Variants in OXR1 observed in about 807,000 individuals in gnomAD.
OXR1 encodes the protein oxidation resistance 1, also known as oxidation resistance protein 1.
OXR1 carries 41 observed loss-of-function variants against 104.6 expected under a neutral mutation model. The ratio of observed to expected loss-of-function variants is 0.39; its 90% confidence interval spans 0.31 to 0.51. The LOEUF (loss-of-function observed/expected upper bound fraction) is 0.51, where lower values mean the gene tolerates loss of function less well. Ranked by LOEUF, OXR1 falls within the 20% of genes least tolerant of loss-of-function variation. OXR1 has a pLI of 0.77. For synonymous variants in OXR1, 348 were observed against 348.4 expected (o/e 1.00, Z 0.01); for missense variants, 955 against 1,031.9 (o/e 0.93, Z 1.02).
At chr8:106,687,050 A>C (rs763434389) in intron 6 of OXR1, among the ~76,000 whole-genome samples, 4 of 152,176 alleles carry the variant, frequency 2.6e-5, no homozygotes, top group Non-Finnish European at 5.9e-5. Context: ...TTGTCCCTCC[A>C]GACTTACTCT....
chr8:106,470,395 A>G (rs769111347), intron 2 of OXR1, among the ~76,000 whole-genome samples: 2 of 150,864 alleles, frequency 1.3e-5, no homozygotes, highest in Non-Finnish European at 2.9e-5. Context: ...GTGAGTGTGA[A>G]TAAAAGAAGG....
chr8:106,747,405 T>C (rs1179004664), intron 16 of OXR1, among the ~76,000 whole-genome samples: 2 of 152,202 alleles, frequency 1.3e-5, no homozygotes, highest in African/African-American at 4.8e-5. Context: ...TTTTCTTTCA[T>C]CCAACATGAT....
At chr8:106,381,577 G>C (rs1027129189) in intron 2 of OXR1, among the ~76,000 whole-genome samples, 5 of 152,142 alleles carry the variant, frequency 3.3e-5, no homozygotes, top group Admixed American at 1.3e-4. Flanking sequence ...CCTGAACCTT[G>C]CTCAGATGTG....
chr8:106,289,738 T>A (rs1344013927), intron 1 of OXR1, among the ~76,000 whole-genome samples: 3 of 152,124 alleles, frequency 2.0e-5, no homozygotes, highest in African/African-American at 7.2e-5. Flanking sequence ...CACACTGATA[T>A]GGGTTGGCTA....
intron 2 of OXR1, among the ~76,000 whole-genome samples, chr8:106,503,244 C>T (rs960744291): frequency 1.3e-5 from 2 of 151,922 alleles, no homozygotes; most frequent in African/African-American, 2.4e-5. Flanking sequence ...CAATAATGAC[C>T]GTAAGAAATG....
intron 3 of OXR1, among the ~76,000 whole-genome samples, chr8:106,671,111 A>G (rs1826927120): frequency 6.6e-6 from 1 of 150,780 alleles, no homozygotes; most frequent in South Asian, 2.1e-4. Flanking sequence ...ATTCAGATTC[A>G]AGCATCCCTA....
chr8:106,347,666 G>C (rs1815556065), intron 1 of OXR1, among the ~76,000 whole-genome samples: 1 of 152,048 alleles, frequency 6.6e-6, no homozygotes, highest in Non-Finnish European at 1.5e-5. Flanking sequence ...TAAATAAGTA[G>C]TTATTGGGTT....
intron 2 of OXR1, among the ~76,000 whole-genome samples, chr8:106,416,804 C>A (rs956406916): frequency 6.6e-6 from 1 of 152,120 alleles, no homozygotes; most frequent in African/African-American, 2.4e-5. Flanking sequence ...ATATTTGCCA[C>A]TTGGTCCAAG....
chr8:106,706,776 A>G lies in OXR1; in HGVS notation c.1255A>G (p.Met419Val). Residue 419 changes from methionine to valine, a missense_variant, in exon 9 of 17, where the codon ATG becomes GTG. By Grantham distance (21) the Met-to-Val change is conservative. Coordinates refer to ENST00000517566, the MANE Select transcript of OXR1 (RefSeq NM_001198533.2). ...CHKTDLNNLE[M>V]AIKEDQIADN... Reference sequence around the variant, plus strand: ...TAAAACTGATTTAAATAATCTTGAAATGGCCATTAAGGAAGATCAGATTGC... The same window carrying G: ...TAAAACTGATTTAAATAATCTTGAAGTGGCCATTAAGGAAGATCAGATTGC... 1 of 1,612,534 alleles carries G rather than the reference A, an allele frequency of 6.2e-7. No homozygotes were observed. Among genetic ancestry groups the G allele is most frequent in the Non-Finnish European group, 8.5e-7 (1 of 1,179,504 alleles).
chr8:106,674,601 G>A (rs535104532), intron 3 of OXR1, among the ~76,000 whole-genome samples: 1 of 152,102 alleles, frequency 6.6e-6, no homozygotes, highest in South Asian at 2.1e-4. Context: ...AAATTTGGGA[G>A]GGGCCAGGGG....
At chr8:106,627,137 T>C (rs1191172682) in intron 3 of OXR1, among the ~76,000 whole-genome samples, 1 of 152,132 alleles carries the variant, frequency 6.6e-6, no homozygotes, top group East Asian at 1.9e-4. Flanking sequence ...AAGGGAAGAA[T>C]TCAGGATAGA....
chr8:106,278,215 T>G (rs1192094672), intron 1 of OXR1, among the ~76,000 whole-genome samples: 1 of 152,216 alleles, frequency 6.6e-6, no homozygotes, highest in Non-Finnish European at 1.5e-5. Context: ...ACACTAGAAT[T>G]TATGTTTTGC....
chr8:106,441,993 G>A (rs1280952658), intron 2 of OXR1, among the ~76,000 whole-genome samples: 1 of 151,832 alleles, frequency 6.6e-6, no homozygotes, highest in Non-Finnish European at 1.5e-5. Context: ...CTGTGTACTG[G>A]TTTTCAAAGG....
At chr8:106,381,555 C>T (rs1270117466) in intron 2 of OXR1, among the ~76,000 whole-genome samples, 1 of 152,076 alleles carries the variant, frequency 6.6e-6, no homozygotes, top group Non-Finnish European at 1.5e-5. Context: ...CATTGGGTCA[C>T]CTCTTAGAGT....
chr8:106,405,060 A>G (rs1818161652), intron 2 of OXR1, among the ~76,000 whole-genome samples: 1 of 151,262 alleles, frequency 6.6e-6, no homozygotes, highest in Admixed American at 6.6e-5. Flanking sequence ...AACATGTAGT[A>G]TCAGTGCTTT....
intron 3 of OXR1, among the ~76,000 whole-genome samples, chr8:106,590,594 G>C (rs3134121): frequency 1.3e-5 from 2 of 152,130 alleles, no homozygotes; most frequent in African/African-American, 4.8e-5. Context: ...CCAGCAATAC[G>C]GTTTTTAGTT....
chr8:106,694,695 G>GTTTATATATTTAATATATAAATATATT (rs1490895770), intron 7 of OXR1, among the ~76,000 whole-genome samples: 4 of 100,898 alleles, frequency 4.0e-5, no homozygotes, highest in Non-Finnish European at 7.2e-5. Context: ...ATAAATATAT[G>GTTTATATATTTAATATATAAATATATT]TTTATATATT....
chr8:106,554,359 T>G (rs992376835), intron 3 of OXR1, among the ~76,000 whole-genome samples: 1 of 152,154 alleles, frequency 6.6e-6, no homozygotes, highest in African/African-American at 2.4e-5. Flanking sequence ...CCGCAAGGGA[T>G]TTTTCAAGGG....
intron 3 of OXR1, among the ~76,000 whole-genome samples, chr8:106,536,620 A>T (rs542318604): frequency 1.3e-5 from 2 of 152,220 alleles, no homozygotes; most frequent in East Asian, 1.9e-4. Context: ...TTTATTTTTT[A>T]AATTTTTTTT....
Sources: allele counts gnomAD v4.1 joint callset (sites outside exome capture counted in the v4.1 genomes callset), GRCh38; gene constraint gnomAD v4.1.1; transcripts MANE v1.5; gene names NCBI Gene and HGNC (gene_info 2026-07-23, HGNC 2026-07-21).